The following KIAA1328 variants were observed in gnomAD, a reference collection of about 807,000 sequenced individuals.
KIAA1328 encodes protein hinderin.
Under a neutral mutation model 68.1 loss-of-function variants are expected in KIAA1328, and 52 were observed. That is an observed-to-expected ratio of 0.76 (90% CI 0.61 to 0.96). KIAA1328 has a LOEUF of 0.96. Among genes scored for constraint, KIAA1328 ranks in the 40% least tolerant of loss-of-function variants. The pLI is 0.00. For missense variants in KIAA1328, 641 were observed against 677.6 expected (o/e 0.95, Z 0.60); for synonymous variants, 232 against 239.4 (o/e 0.97, Z 0.28).
chr18:36,979,657 G>A (rs938874097), intron 6 of KIAA1328, among the ~76,000 whole-genome samples: 1 of 152,182 alleles, frequency 6.6e-6, no homozygotes, highest in African/African-American at 2.4e-5. Context: ...CCCACTACAT[G>A]GAGTTTGGTA....
intron 7 of KIAA1328, among the ~76,000 whole-genome samples, chr18:37,152,641 G>A (rs1004967119): frequency 2.6e-5 from 4 of 152,148 alleles, no homozygotes; most frequent in African/African-American, 9.7e-5. Context: ...GGCAGAAGCA[G>A]CCCAGAAGCA....
chr18:36,875,593 T>C (rs1385025310), intron 4 of KIAA1328, among the ~76,000 whole-genome samples: 1 of 152,210 alleles, frequency 6.6e-6, no homozygotes, highest in African/African-American at 2.4e-5. Flanking sequence ...TTAATAAATA[T>C]GCAATCCTGT....
intron 5 of KIAA1328, among the ~76,000 whole-genome samples, chr18:36,914,053 C>G (rs896428134): frequency 1.3e-5 from 2 of 152,074 alleles, no homozygotes; most frequent in Non-Finnish European, 2.9e-5. Context: ...CTTGTACCAT[C>G]TAAGTGGTAT....
At chr18:36,991,774 C>T (rs761677614) in intron 6 of KIAA1328, among the ~76,000 whole-genome samples, 5 of 152,132 alleles carry the variant, frequency 3.3e-5, no homozygotes, top group Non-Finnish European at 4.4e-5. Context: ...CCTCTCTCCT[C>T]GTGTAGCGTC....
intron 8 of KIAA1328, among the ~76,000 whole-genome samples, chr18:37,165,500 GC>G (rs1435018009): frequency 6.6e-6 from 1 of 151,126 alleles, no homozygotes; most frequent in African/African-American, 2.4e-5. Flanking sequence ...GTTCACTGCA[GC>G]CTCCACCTCC....
chr18:37,119,096 G>GAA (rs1818864575), intron 7 of KIAA1328, among the ~76,000 whole-genome samples: 1 of 152,144 alleles, frequency 6.6e-6, no homozygotes, highest in Admixed American at 6.5e-5. Flanking sequence ...AATGCTATGT[G>GAA]AACTGCCAAT....
chr18:36,881,046 G>T (rs1174707706), intron 4 of KIAA1328, among the ~76,000 whole-genome samples: 3 of 151,144 alleles, frequency 2.0e-5, no homozygotes, highest in East Asian at 3.9e-4. Context: ...TAATACCCTT[G>T]TCAAATTTTG....
intron 7 of KIAA1328, among the ~76,000 whole-genome samples, chr18:37,110,114 A>T (rs1165547538): frequency 1.3e-5 from 2 of 152,102 alleles, no homozygotes; most frequent in Admixed American, 1.3e-4. Flanking sequence ...AATGGAGATT[A>T]GTCTGCAGCC....
rs2054644134 is a variant in KIAA1328 at position 37,027,704 on chromosome 18, T to C, written c.577-39186T>C. Among the ~76,000 whole-genome samples, 6 of 152,072 alleles carry C rather than the reference T, an allele frequency of 3.9e-5. No individual in the cohort carries two copies. In the South Asian group the frequency reaches 1.0e-3, roughly 26 times the overall value. On this transcript the variant is annotated intron_variant, in intron 6 of 9. Transcript: ENST00000280020. ...AACTGGATCCCTTCCTTACCCCTTA[T>C]ACAAAAATTAATTCAAGATGGATTA...
intron 9 of KIAA1328, among the ~76,000 whole-genome samples, chr18:37,179,916 G>A (rs578186145): frequency 8.3e-4 from 126 of 151,976 alleles, no homozygotes; most frequent in South Asian, 8.3e-4. Flanking sequence ...ACACTATTTC[G>A]TTTCCCATAT....
At chr18:37,129,351 G>A (rs1266038090) in intron 7 of KIAA1328, among the ~76,000 whole-genome samples, 1 of 152,158 alleles carries the variant, frequency 6.6e-6, no homozygotes, top group African/African-American at 2.4e-5. Context: ...CATTAGGAGA[G>A]TGACTGCATA....
chr18:37,081,963 T>G (rs1322880931), intron 7 of KIAA1328, among the ~76,000 whole-genome samples: 1 of 152,174 alleles, frequency 6.6e-6, no homozygotes, highest in Non-Finnish European at 1.5e-5. Flanking sequence ...TGTAATGTTG[T>G]TCTGTAATTT....
At chr18:37,037,662 T>C (rs1393871794) in intron 6 of KIAA1328, among the ~76,000 whole-genome samples, 1 of 152,068 alleles carries the variant, frequency 6.6e-6, no homozygotes, top group Non-Finnish European at 1.5e-5. Flanking sequence ...GGCAGGTGGA[T>C]CACCTGAGGT....
intron 4 of KIAA1328, among the ~76,000 whole-genome samples, chr18:36,875,625 T>C (rs535493814): frequency 6.6e-6 from 1 of 152,230 alleles, no homozygotes; most frequent in Non-Finnish European, 1.5e-5. Context: ...AGAGACAATT[T>C]GACTTCCTCT....
intron 9 of KIAA1328, among the ~76,000 whole-genome samples, chr18:37,174,333 A>C (rs547366318): frequency 3.3e-5 from 5 of 151,390 alleles, no homozygotes; most frequent in East Asian, 3.9e-4. Context: ...AATCAAAAAG[A>C]GAATTTAACT....
At chr18:37,054,971 G>C (rs2055851887) in intron 6 of KIAA1328, among the ~76,000 whole-genome samples, 1 of 152,128 alleles carries the variant, frequency 6.6e-6, no homozygotes, top group African/African-American at 2.4e-5. Flanking sequence ...TGTGCCTTCT[G>C]TGTGCCTATA....
At chr18:37,207,972 G>GCTAATT (rs2060247289) in intron 9 of KIAA1328, among the ~76,000 whole-genome samples, 1 of 152,024 alleles carries the variant, frequency 6.6e-6, no homozygotes, top group South Asian at 2.1e-4. Context: ...ACCATGCCTG[G>GCTAATT]CTAATTCTGT....
At chr18:37,213,325 T>G (rs1221582612) in intron 9 of KIAA1328, among the ~76,000 whole-genome samples, 2 of 151,536 alleles carry the variant, frequency 1.3e-5, no homozygotes, top group Admixed American at 1.3e-4. Flanking sequence ...CAGGCCCGAG[T>G]GTGTGATGTT....
chr18:37,162,713 T>C (rs773746149), intron 8 of KIAA1328, among the ~76,000 whole-genome samples: 1 of 152,190 alleles, frequency 6.6e-6, no homozygotes, highest in Admixed American at 6.5e-5. Flanking sequence ...AATTTTTTAA[T>C]ATACTTTTCT....
Sources: allele counts gnomAD v4.1 joint callset (sites outside exome capture counted in the v4.1 genomes callset), GRCh38; gene constraint gnomAD v4.1.1; transcripts MANE v1.5; gene names NCBI Gene and HGNC (gene_info 2026-07-23, HGNC 2026-07-21).